Variants in UBE3D observed in about 807,000 individuals in gnomAD.
UBE3D encodes ubiquitin protein ligase E3D.
UBE3D carries 48 observed loss-of-function variants against 49.6 expected under a neutral mutation model. That is an observed-to-expected ratio of 0.97 (90% CI 0.77 to 1.23). The LOEUF is 1.23. Among genes scored for constraint, UBE3D ranks in the 50% most tolerant of loss-of-function variants. The pLI is 0.00. For synonymous variants in UBE3D, 189 were observed against 174.2 expected (o/e 1.08, Z -0.67); for missense variants, 452 against 468.4 (o/e 0.96, Z 0.32).
chr6:82,887,405 T>TTGTTTTGTTTTG (rs1770907120), downstream of UBE3D, among the ~76,000 whole-genome samples: 1 of 86,302 alleles, frequency 1.2e-5, no homozygotes, highest in African/African-American at 5.5e-5. Context: ...TTTTTTTTTT[T>TTGTTTTGTTTTG]TTTTTTTCAG....
intron 9 of UBE3D, among the ~76,000 whole-genome samples, chr6:82,931,690 G>C (rs1197090480): frequency 1.3e-5 from 2 of 152,194 alleles, no homozygotes; most frequent in African/African-American, 2.4e-5. Flanking sequence ...TTTGGAATGG[G>C]TGTATTTACC....
At chr6:83,049,252 G>A (rs1467615269) in intron 3 of UBE3D, among the ~76,000 whole-genome samples, 2 of 152,016 alleles carry the variant, frequency 1.3e-5, no homozygotes, top group Non-Finnish European at 2.9e-5. Flanking sequence ...GGTAATAACA[G>A]CTTCTACAGA....
At position 82,912,368 on chromosome 6, in the gene UBE3D, G is replaced by A. The variant is rs940008042; in HGVS notation, c.1150-19326C>T. 4.0e-5 allele frequency among the ~76,000 whole-genome samples: 6 copies of A among 151,732 alleles called. No individual in the cohort carries two copies. The East Asian group carries it at 9.7e-4, about 24-fold the overall frequency. On this transcript the variant is annotated intron_variant, in intron 9 of 9. Transcript: ENST00000369747. ...GCACACTGAAGGCCAATTTTACAAT[G>A]AGTAAACTGTAAAACTGTGTCCTAG...
intron 5 of UBE3D, among the ~76,000 whole-genome samples, chr6:83,029,305 T>C (rs1172483100): frequency 6.6e-6 from 1 of 152,162 alleles, no homozygotes; most frequent in Non-Finnish European, 1.5e-5. Context: ...TGTTTTAGAC[T>C]TTTTTTGTTT....
intron 9 of UBE3D, 90 bp from the exon 10 acceptor site, chr6:82,893,132 G>C: frequency 6.9e-7 from 1 of 1,459,572 alleles, no homozygotes; most frequent in South Asian, 1.2e-5. Flanking sequence ...GGTTAAGTCT[G>C]GTCAATAAGA....
intron 2 of UBE3D, among the ~76,000 whole-genome samples, chr6:83,056,865 T>C (rs187670854): frequency 6.6e-6 from 1 of 152,288 alleles, no homozygotes; most frequent in African/African-American, 2.4e-5. Flanking sequence ...AGAATTACAA[T>C]CTTTCTCTGA....
Position 82,957,446 on chromosome 6 carries a change from C to G in UBE3D, c.1015G>C (p.Val339Leu). The change falls in exon 9 of 10, where the codon GTC becomes CTC. Residue 339 changes from valine to leucine, a missense_variant. By Grantham distance (32) the Val-to-Leu change is conservative. Coordinates refer to ENST00000369747, the MANE Select transcript of UBE3D (RefSeq NM_198920.3). Reference protein sequence around the residue: ...PCIKSRNEKLVSLWESDISVH... With the variant: ...PCIKSRNEKLLSLWESDISVH... Reference sequence around the variant, plus strand: ...CTGATGTCACTTTCCCACAAGCTGACAAGTCTGGAACACACCAACACATTA... The same window carrying G: ...CTGATGTCACTTTCCCACAAGCTGAGAAGTCTGGAACACACCAACACATTA... 1 of 1,613,788 alleles carries G rather than the reference C, an allele frequency of 6.2e-7. No individual in the cohort carries two copies. The highest frequency in any genetic ancestry group is 1.1e-5 in the South Asian group (1 of 91,010).
intron 8 of UBE3D, among the ~76,000 whole-genome samples, chr6:82,988,529 C>T (rs1319043263): frequency 3.9e-5 from 6 of 152,068 alleles, no homozygotes; most frequent in South Asian, 2.1e-4. Flanking sequence ...ACAATTAACT[C>T]TGAATACAGC....
chr6:82,898,410 A>G (rs1321748733), intron 9 of UBE3D, among the ~76,000 whole-genome samples: 4 of 152,212 alleles, frequency 2.6e-5, no homozygotes, highest in Non-Finnish European at 4.4e-5. Flanking sequence ...TCACAATAGC[A>G]AAGACTTGGA....
At chr6:82,967,638 T>C (rs899159773) in intron 8 of UBE3D, among the ~76,000 whole-genome samples, 2 of 152,122 alleles carry the variant, frequency 1.3e-5, no homozygotes, top group Admixed American at 1.3e-4. Context: ...CAACAGTTCA[T>C]ATTTTTTTTC....
chr6:82,929,846 C>T (rs1774015315), intron 9 of UBE3D, among the ~76,000 whole-genome samples: 1 of 152,134 alleles, frequency 6.6e-6, no homozygotes, highest in Non-Finnish European at 1.5e-5. Context: ...TCAATATCCA[C>T]CACAGAACAG....
chr6:83,006,116 T>C (rs1205841226), intron 8 of UBE3D, among the ~76,000 whole-genome samples: 2 of 152,010 alleles, frequency 1.3e-5, no homozygotes, highest in South Asian at 2.1e-4. Context: ...TCCCAGCTAC[T>C]TGGGAGGCTG....
chr6:83,065,735 C>T lies in UBE3D; in HGVS notation c.-17G>A. On this transcript the variant is annotated 5_prime_UTR_variant, in exon 1 of 10. Transcript: ENST00000369747. The stretch of plus-strand genomic sequence containing the variant: ...AGCCGCCATGGCAGGCTTCCAGTCC[C>T]AGACCGGACCAAGCTGGAGGTTCCG... 6.2e-7 allele frequency: 1 copy of T among 1,604,780 alleles called. No homozygotes were observed. Among genetic ancestry groups the T allele is most frequent in the Non-Finnish European group, 8.5e-7 (1 of 1,175,882 alleles).
Position 82,892,779 on chromosome 6 carries a change from T to C in UBE3D, c.*243A>G, listed in dbSNP as rs1771030714. 1 of 506,546 alleles carries C rather than the reference T, an allele frequency of 2.0e-6. No individual in the cohort carries two copies. The highest frequency in any genetic ancestry group is 3.1e-5 in the Admixed American group (1 of 32,204). 31.4% of individuals were successfully genotyped at this position (506,546 alleles called of 1,614,324 possible). A position where few individuals can be genotyped will look rare whatever the true frequency, so the allele number is the denominator to read the frequency against. On this transcript the variant is annotated 3_prime_UTR_variant, in exon 10 of 10. Coordinates refer to ENST00000369747, the MANE Select transcript of UBE3D (RefSeq NM_198920.3). ...CTGTGGGAAATAGAGATGTAACTTC[T>C]ACACTTGCCTCAACCTGCTACTATG...
chr6:83,045,681 G>A (rs1185988183), intron 3 of UBE3D, among the ~76,000 whole-genome samples: 1 of 152,012 alleles, frequency 6.6e-6, no homozygotes, highest in African/African-American at 2.4e-5. Context: ...TAGATTTACA[G>A]AAAACTTACA....
At chr6:83,024,364 G>A (rs1036732351) in intron 5 of UBE3D, among the ~76,000 whole-genome samples, 2 of 152,154 alleles carry the variant, frequency 1.3e-5, no homozygotes, top group African/African-American at 4.8e-5. Flanking sequence ...CAATTCTACA[G>A]AATAGCTACA....
At chr6:82,944,050 A>C (rs1465008123) in intron 9 of UBE3D, among the ~76,000 whole-genome samples, 1 of 152,052 alleles carries the variant, frequency 6.6e-6, no homozygotes, top group Non-Finnish European at 1.5e-5. Flanking sequence ...AACCTAGACC[A>C]CAGAGACTGC....
At chr6:82,908,381 AC>A (rs1031085606) in intron 9 of UBE3D, among the ~76,000 whole-genome samples, 2 of 152,146 alleles carry the variant, frequency 1.3e-5, no homozygotes, top group African/African-American at 4.8e-5. Flanking sequence ...CCCGGGATGA[AC>A]AGGACAGCTC....
chr6:83,005,447 A>T (rs1295337306), intron 8 of UBE3D, among the ~76,000 whole-genome samples: 3 of 152,076 alleles, frequency 2.0e-5, no homozygotes, highest in African/African-American at 7.2e-5. Flanking sequence ...TTAAAAATAG[A>T]ACTATCATAT....
Sources: gnomAD v4.1 joint callset for allele counts (sites outside exome capture counted in the v4.1 genomes callset) on GRCh38, gnomAD v4.1.1 for gene constraint, MANE v1.5 for transcripts, NCBI Gene and HGNC (gene_info 2026-07-23, HGNC 2026-07-21) for gene names.